CD96: variants seen among roughly 807,000 people sequenced by gnomAD.
CD96 encodes T-cell surface protein tactile.
In CD96, 70 loss-of-function variants were observed where a neutral mutation model predicts 71.3. The observed-to-expected ratio is 0.98, with a 90% CI of 0.81 to 1.20. CD96 has a LOEUF of 1.20. CD96 is among the 50% of genes most tolerant of loss of function. The probability of loss-of-function intolerance (pLI) is 0.00; values close to 1 mark genes in which losing one functional copy is unlikely to be tolerated. For missense variants in CD96, 742 were observed against 677.5 expected (o/e 1.10, Z -1.06); for synonymous variants, 248 against 233.0 (o/e 1.06, Z -0.59).
rs1436661644 is a variant in CD96, at chr3:111,576,007, C to T, written c.544-3020C>T. On this transcript the variant is annotated intron_variant, in intron 3 of 13. Transcript: ENST00000352690. ...AGTTTAGCCAGGCACATAGTGAATA[C>T]TCATGAGATAGCAGGTTGATCATAG... 2.6e-5 allele frequency among the ~76,000 whole-genome samples: 4 copies of T among 152,288 alleles called. No homozygotes were observed. The East Asian group carries it at 7.7e-4, about 29-fold the overall frequency.
At chr3:111,636,340 T>C (rs1300129190) in intron 10 of CD96, among the ~76,000 whole-genome samples, 3 of 152,200 alleles carry the variant, frequency 2.0e-5, no homozygotes, top group Non-Finnish European at 2.9e-5. Flanking sequence ...TATTTTGATT[T>C]TGCTCACTTG....
At chr3:111,653,549 A>C (rs969280110), downstream of CD96, among the ~76,000 whole-genome samples, 3 of 152,244 alleles carry the variant, frequency 2.0e-5, no homozygotes, top group African/African-American at 7.2e-5. Context: ...AAAATCATAG[A>C]ACATTTGACC....
At chr3:111,606,876 C>A in intron 8 of CD96, 84 bp downstream of exon 8, 1 of 852,424 alleles carries the variant, frequency 1.2e-6, no homozygotes, top group Admixed American at 1.7e-5. Context: ...ATCATTCATG[C>A]CTGTTTCTTA....
At chr3:111,593,753 G>A (rs1937110676) in intron 5 of CD96, 3 of 1,614,118 alleles carry the variant, frequency 1.9e-6, no homozygotes, top group Middle Eastern at 1.6e-4. Flanking sequence ...GGCCCACAAA[G>A]CCATGGTGCC....
intron 2 of CD96, among the ~76,000 whole-genome samples, chr3:111,552,039 C>G (rs1255296073): frequency 6.6e-6 from 1 of 152,104 alleles, no homozygotes; most frequent in Non-Finnish European, 1.5e-5. Flanking sequence ...TTGCATTTCT[C>G]TAATTATCAG....
chr3:111,615,040 G>A (rs1041775105), intron 8 of CD96, among the ~76,000 whole-genome samples: 1 of 152,208 alleles, frequency 6.6e-6, no homozygotes, highest in East Asian at 1.9e-4. Context: ...CGCATGTCCT[G>A]CATAGGTGGG....
At chr3:111,568,755 A>G (rs1326258963) in intron 3 of CD96, among the ~76,000 whole-genome samples, 4 of 152,226 alleles carry the variant, frequency 2.6e-5, no homozygotes, top group Non-Finnish European at 5.9e-5. Context: ...CAACATGAGG[A>G]TAATAATAAA....
chr3:111,665,430 G>A (rs927146166), intron 14 of CD96: 12 of 151,954 alleles, frequency 7.9e-5, no homozygotes, highest in African/African-American at 2.9e-4. Flanking sequence ...TTTTCTCTGA[G>A]CATTGTTTAA....
intron 14 of CD96, among the ~76,000 whole-genome samples, chr3:111,657,976 T>C (rs1278559200): frequency 6.6e-6 from 1 of 152,200 alleles, no homozygotes; most frequent in Non-Finnish European, 1.5e-5. Flanking sequence ...ATTTCCCAGA[T>C]GTGCCTTTTG....
At chr3:111,659,577 A>C (rs1464882972) in intron 14 of CD96, among the ~76,000 whole-genome samples, 1 of 152,176 alleles carries the variant, frequency 6.6e-6, no homozygotes, top group Non-Finnish European at 1.5e-5. Flanking sequence ...AGTTGCAAGG[A>C]ATTTTTTTAT....
intron 13 of CD96, among the ~76,000 whole-genome samples, chr3:111,649,214 T>A (rs1297494374): frequency 2.0e-5 from 3 of 152,192 alleles, no homozygotes; most frequent in Non-Finnish European, 2.9e-5. Context: ...GAAACATTTC[T>A]TCTATTAGGA....
chr3:111,589,220 G>A (rs926896118), intron 5 of CD96, among the ~76,000 whole-genome samples: 1 of 152,138 alleles, frequency 6.6e-6, no homozygotes, highest in South Asian at 2.1e-4. Context: ...AGAGTGCTGG[G>A]ATTACAGGCA....
chr3:111,648,780 C>G (rs1370487824), intron 13 of CD96, among the ~76,000 whole-genome samples: 1 of 152,146 alleles, frequency 6.6e-6, no homozygotes. Context: ...TCCTAAGATG[C>G]TATGGATTGC....
chr3:111,637,517 T>A (rs868099725), intron 11 of CD96, among the ~76,000 whole-genome samples: 1 of 152,258 alleles, frequency 6.6e-6, no homozygotes, highest in Non-Finnish European at 1.5e-5. Context: ...GTTATATCTA[T>A]GAAAAATAAA....
At position 111,581,187 on chromosome 3, in the gene CD96, T is replaced by C. The variant is rs543014851; in HGVS notation, c.751+1953T>C. Among the ~76,000 whole-genome samples, 11 of 152,340 alleles carry C rather than the reference T, an allele frequency of 7.2e-5. No homozygotes were observed. The South Asian group carries it at 2.3e-3, about 32-fold the overall frequency. Reference sequence around the variant, plus strand: ...TCCTTTCGGTGGATGCTTAAAAATATGAAACCCTGCCTGCTTGTTCAGAAA... The same window carrying C: ...TCCTTTCGGTGGATGCTTAAAAATACGAAACCCTGCCTGCTTGTTCAGAAA... On this transcript the variant is annotated intron_variant, in intron 4 of 13. Transcript: ENST00000352690.
rs561793109 is a variant in CD96, at chr3:111,589,011, C to T, written c.807+3633C>T. ...TGTCACCCAGGCTGGAGTCCAGTGC[C>T]GCGATCTCTGCTCACTGCAAGCTCC... is the stretch of plus-strand genomic sequence containing the variant. On this transcript the variant is annotated intron_variant, in intron 5 of 13. Transcript: ENST00000352690. Among the ~76,000 whole-genome samples the T allele has an allele frequency of 4.0e-5, 6 of 150,344 alleles. No individual in the cohort carries two copies. The South Asian group carries it at 1.1e-3, about 26-fold the overall frequency.
intron 12 of CD96, among the ~76,000 whole-genome samples, chr3:111,645,972 AC>A (rs1939809315): frequency 6.6e-6 from 1 of 152,128 alleles, no homozygotes; most frequent in East Asian, 1.9e-4. Context: ...TAGTTCTTTG[AC>A]CTGTATTTTT....
intron 3 of CD96, among the ~76,000 whole-genome samples, chr3:111,569,360 C>CTATA (rs896123118): frequency 6.6e-6 from 1 of 152,130 alleles, no homozygotes; most frequent in African/African-American, 2.4e-5. Context: ...CTCGTCTGCC[C>CTATA]TTTTATAGGA....
chr3:111,552,873 A>C (rs1934787264), intron 2 of CD96, among the ~76,000 whole-genome samples: 1 of 152,160 alleles, frequency 6.6e-6, no homozygotes, highest in African/African-American at 2.4e-5. Flanking sequence ...GAAAACTCTA[A>C]ACAATATACA....
Sources: allele counts gnomAD v4.1 joint callset (sites outside exome capture counted in the v4.1 genomes callset), GRCh38; gene constraint gnomAD v4.1.1; transcripts MANE v1.5; gene names NCBI Gene and HGNC (gene_info 2026-07-23, HGNC 2026-07-21).